Variants in IMPA2 observed in about 807,000 individuals in gnomAD.
IMPA2 encodes the protein IMP 2.
Under a neutral mutation model 35.1 loss-of-function variants are expected in IMPA2, and 32 were observed. That is an observed-to-expected ratio of 0.91 (90% confidence interval 0.69 to 1.23). The LOEUF is 1.23. Ranked by LOEUF, IMPA2 falls within the 50% of genes most tolerant of loss-of-function variation. The pLI is 0.00. For missense variants in IMPA2, 334 were observed against 387.6 expected (o/e 0.86, Z 1.16); for synonymous variants, 135 against 160.6 (o/e 0.84, Z 1.20).
At chr18:12,016,246 C>T (rs964037317) in intron 5 of IMPA2, among the ~76,000 whole-genome samples, 3 of 152,064 alleles carry the variant, frequency 2.0e-5, no homozygotes, top group African/African-American at 7.2e-5. Flanking sequence ...GGAGAAAGGC[C>T]AAAAAGAATC....
chr18:12,014,857 C>G (rs1012148871), intron 5 of IMPA2, among the ~76,000 whole-genome samples: 3 of 152,184 alleles, frequency 2.0e-5, no homozygotes, highest in Admixed American at 6.5e-5. Flanking sequence ...ACCTTAGCCC[C>G]TCTGCAGTTA....
chr18:12,008,266 G>A (rs1907332980), intron 2 of IMPA2: 1 of 490,388 alleles, frequency 2.0e-6, no homozygotes, highest in South Asian at 1.5e-5. Flanking sequence ...ACAGTGCTGG[G>A]ATTACAGGCG....
chr18:11,981,698 C>T lies in IMPA2; in HGVS notation c.29C>T (p.Ala10Val), dbSNP rs769079475. ...AAGCCGAGCGGCGAGGACCAGGCGG[C>T]GCTGGCGGCCGGCCCCTGGGAGGAG... MKPSGEDQA[A>V]LAAGPWEECF... The change falls in exon 1 of 8, where the codon GCG becomes GTG. Residue 10 changes from alanine (A) to valine (V), a missense_variant. By Grantham distance (64) the Ala-to-Val change is moderately conservative (BLOSUM62 0). Coordinates refer to ENST00000269159, the MANE Select transcript of IMPA2 (RefSeq NM_014214.3). 8.5e-4 allele frequency: 1,040 copies of T among 1,230,560 alleles called. 2 individuals carry two copies. The highest frequency in any genetic ancestry group is 1.0e-3 in the Non-Finnish European group (986 of 986,926). 76.2% of individuals were successfully genotyped at this position (1,230,560 alleles called of 1,614,324 possible).
intron 2 of IMPA2, among the ~76,000 whole-genome samples, chr18:12,006,379 G>C (rs1265106908): frequency 1.3e-5 from 2 of 152,272 alleles, no homozygotes; most frequent in Admixed American, 6.5e-5. Context: ...GTGGACAACT[G>C]AGAGTGGAGA....
chr18:12,020,625 T>A (rs1907703121), intron 5 of IMPA2, among the ~76,000 whole-genome samples: 1 of 152,172 alleles, frequency 6.6e-6, no homozygotes, highest in Non-Finnish European at 1.5e-5. Flanking sequence ...CATTTCCTCT[T>A]GTACTCTTTT....
chr18:11,987,274 G>A (rs1457488181), intron 1 of IMPA2, among the ~76,000 whole-genome samples: 2 of 152,178 alleles, frequency 1.3e-5, no homozygotes, highest in Non-Finnish European at 1.5e-5. Context: ...GGGAACTTCC[G>A]CTGCATGGTA....
At chr18:12,014,829 T>C (rs1907534001) in intron 5 of IMPA2, among the ~76,000 whole-genome samples, 1 of 152,092 alleles carries the variant, frequency 6.6e-6, no homozygotes, top group African/African-American at 2.4e-5. Context: ...TCCTGGGGAA[T>C]GAGTCATGTG....
At chr18:12,024,025 A>G (rs1453984339) in intron 5 of IMPA2, among the ~76,000 whole-genome samples, 1 of 152,224 alleles carries the variant, frequency 6.6e-6, no homozygotes, top group African/African-American at 2.4e-5. Context: ...ATGACTGTAT[A>G]AACCTCTATA....
chr18:12,019,519 C>T (rs1371702595), intron 5 of IMPA2, among the ~76,000 whole-genome samples: 1 of 151,438 alleles, frequency 6.6e-6, no homozygotes, highest in African/African-American at 2.4e-5. Flanking sequence ...CCACCCACCT[C>T]AGCCTCCCAA....
chr18:12,020,908 C>T (rs1475828203), intron 5 of IMPA2, among the ~76,000 whole-genome samples: 2 of 150,738 alleles, frequency 1.3e-5, no homozygotes, highest in African/African-American at 2.4e-5. Context: ...TACTCTGCTC[C>T]TCACTCTTTT....
chr18:11,981,771 C>T lies in IMPA2; in HGVS notation c.96+6C>T, dbSNP rs1906506157. The T allele has an allele frequency of 2.4e-6, 3 of 1,225,428 alleles. No homozygotes were observed. Among genetic ancestry groups the T allele is most frequent in the Admixed American group, 4.2e-5 (1 of 23,548 alleles). 75.9% of individuals were successfully genotyped at this position (1,225,428 alleles called of 1,614,324 possible). On this transcript the variant is annotated splice_donor_region_variant and intron_variant, in intron 1 of 7. Transcript: ENST00000269159. ...TGGCGCTGCGGGCAGGACAGGTGAG[C>T]GCCACGGCTGGGCTCGGAAGTCCGG...
At chr18:12,025,130 C>T (rs1421364803) in intron 5 of IMPA2, among the ~76,000 whole-genome samples, 2 of 152,088 alleles carry the variant, frequency 1.3e-5, no homozygotes, top group South Asian at 2.1e-4. Flanking sequence ...TGGAATCATA[C>T]GGTGTGTAGC....
intron 1 of IMPA2, among the ~76,000 whole-genome samples, chr18:11,997,023 C>T (rs1227365545): frequency 6.6e-6 from 1 of 152,056 alleles, no homozygotes; most frequent in African/African-American, 2.4e-5. Flanking sequence ...CACAGAGATA[C>T]ACACAGAGAC....
chr18:12,028,818 C>G (rs1456431501), intron 6 of IMPA2, 24 bp from the exon 7 acceptor site: 2 of 1,610,868 alleles, frequency 1.2e-6, no homozygotes, highest in Non-Finnish European at 1.7e-6. Context: ...CCGCCTGCAT[C>G]TGTCCTCCCT....
At position 12,012,224 on chromosome 18, in the gene IMPA2, GT is replaced by G. The variant is rs1403615241; in HGVS notation, c.381+10del. 17 of 1,613,544 alleles carry G rather than the reference GT, an allele frequency of 1.1e-5. No homozygotes were observed. Among genetic ancestry groups the G allele is most frequent in the Non-Finnish European group, 1.4e-5 (17 of 1,179,542 alleles). On this transcript the variant is annotated intron_variant, in intron 4 of 7. Transcript: ENST00000269159. ...TTGCTGTTCGACAAGAGGTGCGGGT[GT>G]GGCCCAGGTCCCCAGGGCCCCTCCC...
At chr18:12,013,626 C>T (rs1304108890) in intron 4 of IMPA2, among the ~76,000 whole-genome samples, 2 of 152,228 alleles carry the variant, frequency 1.3e-5, no homozygotes, top group African/African-American at 2.4e-5. Context: ...GGAAAGATCA[C>T]AGAGGCACGC....
At chr18:11,986,753 G>A (rs574322984) in intron 1 of IMPA2, among the ~76,000 whole-genome samples, 1 of 152,316 alleles carries the variant, frequency 6.6e-6, no homozygotes, top group South Asian at 2.1e-4. Flanking sequence ...AATTTTCTGA[G>A]AGTTACACCC....
intron 5 of IMPA2, among the ~76,000 whole-genome samples, chr18:12,020,929 T>C (rs1275504608): frequency 6.6e-6 from 1 of 151,844 alleles, no homozygotes; most frequent in African/African-American, 2.4e-5. Flanking sequence ...TTTCTTAGGA[T>C]AATTGTGTGT....
intron 2 of IMPA2, among the ~76,000 whole-genome samples, chr18:12,004,714 G>A (rs751017435): frequency 1.3e-5 from 2 of 152,008 alleles, no homozygotes; most frequent in South Asian, 2.1e-4. Flanking sequence ...TAGTAGAGAC[G>A]GGGTTTCACC....
Sources: gnomAD v4.1 joint callset for allele counts (sites outside exome capture counted in the v4.1 genomes callset) on GRCh38, gnomAD v4.1.1 for gene constraint, MANE v1.5 for transcripts, NCBI Gene and HGNC (gene_info 2026-07-23, HGNC 2026-07-21) for gene names.